The following RIMS1 variants were observed in gnomAD, a reference collection of about 807,000 sequenced individuals.
The protein encoded by RIMS1 is regulating synaptic membrane exocytosis protein 1.
Under a neutral mutation model 214.1 loss-of-function variants are expected in RIMS1, and 83 were observed. The ratio of observed to expected loss-of-function variants is 0.39; its 90% confidence interval spans 0.32 to 0.47. The LOEUF (loss-of-function observed/expected upper bound fraction) is 0.47. RIMS1 is among the 20% of genes least tolerant of loss of function. The pLI, the probability that RIMS1 is intolerant of heterozygous loss-of-function variation, is 0.99. For missense variants in RIMS1, 2,050 were observed against 2,161.8 expected, an observed-to-expected ratio of 0.95 and a Z score of 1.03; for synonymous variants, 793 against 786.8, an observed-to-expected ratio of 1.01 and a Z score of -0.13.
At chr6:72,009,893 G>A (rs1250524176) in intron 2 of RIMS1, among the ~76,000 whole-genome samples, 2 of 152,106 alleles carry the variant, frequency 1.3e-5, no homozygotes, top group South Asian at 2.1e-4. Flanking sequence ...TTCTACCAGA[G>A]GTACAAGGAA....
chr6:72,390,243 T>C (rs2098681345), intron 29 of RIMS1, among the ~76,000 whole-genome samples: 1 of 152,218 alleles, frequency 6.6e-6, no homozygotes, highest in Non-Finnish European at 1.5e-5. Context: ...AATTCCGTAT[T>C]AGGAGAAACC....
chr6:72,267,895 A>G (rs2081314696), intron 22 of RIMS1, among the ~76,000 whole-genome samples: 1 of 152,132 alleles, frequency 6.6e-6, no homozygotes, highest in Non-Finnish European at 1.5e-5. Flanking sequence ...AAGAAGAAAA[A>G]ATATTGAAAA....
At chr6:71,985,354 C>T (rs530817548) in intron 2 of RIMS1, among the ~76,000 whole-genome samples, 32 of 152,190 alleles carry the variant, frequency 2.1e-4, no homozygotes, top group Middle Eastern at 3.4e-3. Flanking sequence ...TACACCACTG[C>T]ACTGCAGCCT....
chr6:72,151,053 T>G (rs188489510), intron 4 of RIMS1, among the ~76,000 whole-genome samples: 67 of 152,112 alleles, frequency 4.4e-4, no homozygotes, highest in African/African-American at 1.4e-3. Context: ...TTTTTTTTTC[T>G]TTTTTTTGAG....
At chr6:72,362,663 A>G (rs1322604983) in intron 29 of RIMS1, among the ~76,000 whole-genome samples, 1 of 152,210 alleles carries the variant, frequency 6.6e-6, no homozygotes, top group African/African-American at 2.4e-5. Context: ...TTCATTCAGC[A>G]CTTCTATATC....
At chr6:72,261,289 A>G (rs1286125714) in intron 19 of RIMS1, 1 of 999,180 alleles carries the variant, frequency 1.0e-6, no homozygotes, top group African/African-American at 1.7e-5. Flanking sequence ...TTTCTTGATG[A>G]AAAGTGAAGA....
chr6:72,316,860 G>T, intron 28 of RIMS1: 1 of 1,016,178 alleles, frequency 9.8e-7, no homozygotes, highest in Non-Finnish European at 1.5e-6. Flanking sequence ...CAAGTAGGAG[G>T]TGGGCAGCTG....
intron 2 of RIMS1, among the ~76,000 whole-genome samples, chr6:72,093,719 GTAT>G (rs150159217): frequency 0.011 from 1,728 of 151,792 alleles, 11 homozygotes; most frequent in Non-Finnish European, 0.017. Flanking sequence ...CTATGTTTAT[GTAT>G]TTATTTATTT....
chr6:72,246,573 A>G (rs2069855347), intron 11 of RIMS1, among the ~76,000 whole-genome samples: 1 of 152,168 alleles, frequency 6.6e-6, no homozygotes, highest in Admixed American at 6.6e-5. Context: ...ATAGAAAATA[A>G]AAGGTGATTT....
At chr6:72,358,241 C>G (rs1181555317) in intron 29 of RIMS1, among the ~76,000 whole-genome samples, 1 of 151,922 alleles carries the variant, frequency 6.6e-6, no homozygotes, top group East Asian at 1.9e-4. Context: ...TAATTAAAGA[C>G]TATGGCCAGG....
At chr6:72,386,668 C>T (rs2098607648) in intron 29 of RIMS1, among the ~76,000 whole-genome samples, 1 of 152,010 alleles carries the variant, frequency 6.6e-6, no homozygotes, top group South Asian at 2.1e-4. Flanking sequence ...TCACTCTCTA[C>T]CCCTCTCATC....
chr6:72,217,923 T>A (rs150781677), intron 6 of RIMS1, among the ~76,000 whole-genome samples: 1 of 152,160 alleles, frequency 6.6e-6, no homozygotes, highest in Non-Finnish European at 1.5e-5. Flanking sequence ...CTTCTGGCCC[T>A]TGTTTCCCTT....
At chr6:72,133,918 A>G (rs894212040) in intron 4 of RIMS1, among the ~76,000 whole-genome samples, 2 of 152,154 alleles carry the variant, frequency 1.3e-5, no homozygotes, top group East Asian at 1.9e-4. Context: ...CTGCATACTT[A>G]TAAGTTGGAT....
chr6:71,980,748 A>G (rs1271639037), intron 2 of RIMS1, among the ~76,000 whole-genome samples: 1 of 152,056 alleles, frequency 6.6e-6, no homozygotes, highest in Non-Finnish European at 1.5e-5. Context: ...GGCTAATAAT[A>G]GTAAGAATAA....
At chr6:72,218,672 T>TTC (rs1232048159) in intron 6 of RIMS1, among the ~76,000 whole-genome samples, 1 of 152,178 alleles carries the variant, frequency 6.6e-6, no homozygotes, top group Admixed American at 6.5e-5. Flanking sequence ...TACTTGCTGT[T>TTC]TCTTCTTAAT....
chr6:72,229,866 G>A (rs575414317), intron 6 of RIMS1, among the ~76,000 whole-genome samples: 22 of 151,780 alleles, frequency 1.4e-4, no homozygotes, highest in Middle Eastern at 3.4e-3. Flanking sequence ...TTTAACTCAC[G>A]TATGCTGACC....
chr6:72,129,806 C>T (rs2040164116), intron 4 of RIMS1, among the ~76,000 whole-genome samples: 1 of 151,840 alleles, frequency 6.6e-6, no homozygotes, highest in Admixed American at 6.6e-5. Flanking sequence ...TCAACCATTA[C>T]TTTAGGGCTG....
chr6:72,140,005 A>T (rs984779597), intron 4 of RIMS1, among the ~76,000 whole-genome samples: 2 of 152,188 alleles, frequency 1.3e-5, no homozygotes, highest in African/African-American at 4.8e-5. Flanking sequence ...ACTTTGTGGG[A>T]TAAATGTAGC....
At chr6:72,054,360 T>A (rs774382976) in intron 2 of RIMS1, among the ~76,000 whole-genome samples, 2 of 152,134 alleles carry the variant, frequency 1.3e-5, no homozygotes, top group Non-Finnish European at 2.9e-5. Context: ...CATGTCTTTG[T>A]ATTGTAAACA....
Sources: allele counts gnomAD v4.1 joint callset (sites outside exome capture counted in the v4.1 genomes callset), GRCh38; gene constraint gnomAD v4.1.1; transcripts MANE v1.5; gene names NCBI Gene and HGNC (gene_info 2026-07-23, HGNC 2026-07-21).